Variants in CELF2 observed in about 807,000 individuals in gnomAD.
The protein encoded by CELF2 is CUGBP Elav-like family member 2, also known as CUG triplet repeat RNA-binding protein 2.
In CELF2, 8 loss-of-function variants were observed where a neutral mutation model predicts 62.6. The observed-to-expected ratio is 0.13, with a 90% CI of 0.07 to 0.23. CELF2 has a LOEUF of 0.23. CELF2 is among the 10% of genes least tolerant of loss of function. CELF2 has a pLI of 1.00. For missense variants in CELF2, 333 were observed against 671.0 expected (o/e 0.50, Z 5.56); for synonymous variants, 258 against 250.0 (o/e 1.03, Z -0.30).
chr10:11,071,159 C>T lies in CELF2; in HGVS notation c.74+52996C>T, dbSNP rs1265694545. Reference sequence around the variant, plus strand: ...TAAATCAGTTTTCTACCTTCATGAACGACTTGAGAGCTCCTGATCCCTTTG... The same window carrying T: ...TAAATCAGTTTTCTACCTTCATGAATGACTTGAGAGCTCCTGATCCCTTTG... On this transcript the variant is annotated intron_variant, in intron 1 of 12. Coordinates refer to ENST00000633077, the MANE Select transcript of CELF2 (RefSeq NM_001326342.2). Among the ~76,000 whole-genome samples the T allele has an allele frequency of 3.9e-5, 6 of 152,278 alleles. No homozygotes were observed. The South Asian group carries it at 1.0e-3, about 26-fold the overall frequency.
At chr10:11,192,266 C>A (rs938958445) in intron 2 of CELF2, among the ~76,000 whole-genome samples, 1 of 152,240 alleles carries the variant, frequency 6.6e-6, no homozygotes, top group Non-Finnish European at 1.5e-5. Context: ...CCCCTTGATC[C>A]CAGCAAGGCT....
In CELF2 at chr10:11,125,059, T is replaced by C. The variant is rs2058438379; in HGVS notation, c.75-40427T>C. Among the ~76,000 whole-genome samples, 8 of 152,346 alleles carry C rather than the reference T, an allele frequency of 5.3e-5. No homozygotes were observed. The South Asian group carries it at 1.7e-3, about 32-fold the overall frequency. On this transcript the variant is annotated intron_variant, in intron 1 of 12. Coordinates refer to ENST00000633077, the MANE Select transcript of CELF2 (RefSeq NM_001326342.2). ...TCAGTCTACGTGACTTCCTTTCTAA[T>C]GGGAACCACTTAGCTGGACCATTAA...
Position 10,997,196 on chromosome 10 carries a change from T to A in CELF2, c.89+77197T>A, listed in dbSNP as rs1380227029. ...AGGCCCTTGTGTTTCCTCATTTGTG[T>A]CATGTGGGTGATAATGCAGATTTAC... On this transcript the variant is annotated intron_variant, in intron 2 of 13. Coordinates refer to the CELF2 transcript ENST00000636488. This position sits in a 1 kb window ranked among gnomAD's most constrained non-coding sequence, Gnocchi z 5.3. Among the ~76,000 whole-genome samples, 1 of 152,110 alleles carries A rather than the reference T, an allele frequency of 6.6e-6. No individual in the cohort carries two copies. The highest frequency in any genetic ancestry group is 1.5e-5 in the Non-Finnish European group (1 of 68,002).
intron 2 of CELF2, among the ~76,000 whole-genome samples, chr10:11,204,017 G>T (rs1298190681): frequency 6.6e-6 from 1 of 152,206 alleles, no homozygotes; most frequent in Admixed American, 6.5e-5. Context: ...GAAGAGGAGG[G>T]GCGCAGAGGG....
intron 2 of CELF2, among the ~76,000 whole-genome samples, chr10:11,202,058 A>T (rs919496412): frequency 2.6e-5 from 4 of 152,256 alleles, no homozygotes; most frequent in Non-Finnish European, 5.9e-5. Context: ...ACACTAAGAC[A>T]TCTGTTCCTA....
chr10:11,248,660 C>T (rs571151274), intron 3 of CELF2, among the ~76,000 whole-genome samples: 117 of 152,268 alleles, frequency 7.7e-4, no homozygotes, highest in Non-Finnish European at 1.4e-3. Context: ...GATACAATAA[C>T]AATAGCTAAG....
intron 1 of CELF2, among the ~76,000 whole-genome samples, chr10:10,846,711 A>T (rs1374312939): frequency 1.3e-5 from 2 of 152,254 alleles, no homozygotes; most frequent in Admixed American, 6.5e-5. Context: ...AACACTGAGC[A>T]GAACGATGCC....
At chr10:10,818,054 A>G (rs553969338) in intron 1 of CELF2, among the ~76,000 whole-genome samples, 1 of 152,214 alleles carries the variant, frequency 6.6e-6, no homozygotes, top group Non-Finnish European at 1.5e-5. Flanking sequence ...TGTTGCCGCT[A>G]ATATCACTTG....
chr10:11,025,231 G>C (rs922675156), intron 1 of CELF2, among the ~76,000 whole-genome samples: 3 of 46,306 alleles, frequency 6.5e-5, no homozygotes, highest in Non-Finnish European at 2.4e-4. Context: ...GTGTGTGTGT[G>C]TGTGTGTGTA....
the CELF2 span, among the ~76,000 whole-genome samples, chr10:10,690,879 G>GA: frequency 2.0e-5 from 3 of 151,942 alleles, no homozygotes; most frequent in East Asian, 5.8e-4. Context: ...ACTCTGTCTC[G>GA]AAAAAACAAA....
chr10:11,028,467 TGAA>T (rs1233139737), intron 1 of CELF2, among the ~76,000 whole-genome samples: 7 of 150,894 alleles, frequency 4.6e-5, no homozygotes, highest in African/African-American at 1.7e-4. Flanking sequence ...TCACCCAGGC[TGAA>T]GTGCAGTGGC....
At chr10:11,047,278 G>A (rs1252857378) in intron 1 of CELF2, among the ~76,000 whole-genome samples, 2 of 152,162 alleles carry the variant, frequency 1.3e-5, no homozygotes, top group African/African-American at 2.4e-5. Context: ...CAACCCATGA[G>A]TTCAGTTTTG....
intron 1 of CELF2, among the ~76,000 whole-genome samples, chr10:10,831,484 A>T (rs2057852386): frequency 6.6e-6 from 1 of 152,224 alleles, no homozygotes; most frequent in Non-Finnish European, 1.5e-5. Context: ...GAGAACAGGG[A>T]TGAGAATGTG....
chr10:10,792,020 C>CAGGGAGGAAGGAAGGAGGGAG, the CELF2 span, among the ~76,000 whole-genome samples: 1 of 103,274 alleles, frequency 9.7e-6, no homozygotes, highest in East Asian at 3.1e-4. Context: ...AGGAGGGAGA[C>CAGGGAGGAAGGAAGGAGGGAG]AGGGAGGAAG....
intron 1 of CELF2, among the ~76,000 whole-genome samples, chr10:11,007,138 A>G (rs1275658427): frequency 6.6e-6 from 1 of 152,242 alleles, no homozygotes; most frequent in Non-Finnish European, 1.5e-5. Flanking sequence ...ATATCAGAAT[A>G]TATTAGTACA....
At chr10:10,517,482 C>A in the CELF2 span, among the ~76,000 whole-genome samples, 1 of 152,188 alleles carries the variant, frequency 6.6e-6, no homozygotes, top group East Asian at 1.9e-4. Flanking sequence ...TAACAAATAA[C>A]AAATAACATC....
At chr10:11,057,295 G>C (rs1453929353) in intron 1 of CELF2, among the ~76,000 whole-genome samples, 1 of 152,108 alleles carries the variant, frequency 6.6e-6, no homozygotes, top group Admixed American at 6.5e-5. Context: ...GGATGTGTGG[G>C]GTGGGGGGTG....
chr10:10,735,917 C>T, the CELF2 span, among the ~76,000 whole-genome samples: 6 of 152,160 alleles, frequency 3.9e-5, no homozygotes, highest in Admixed American at 2.0e-4. Context: ...GTATCTTCTG[C>T]ACCTAAAATT....
At chr10:11,293,432 A>G (rs4129775) in intron 9 of CELF2, among the ~76,000 whole-genome samples, 16,028 of 152,286 alleles carry the variant, frequency 0.11, 891 homozygotes, top group Middle Eastern at 0.2. Context: ...GAAGCCTTCT[A>G]GTTAGGATTG....
Sources: allele counts gnomAD v4.1 joint callset (sites outside exome capture counted in the v4.1 genomes callset), GRCh38; gene constraint gnomAD v4.1.1; non-coding constraint Gnocchi (gnomAD v3.1); transcripts MANE v1.5; gene names NCBI Gene and HGNC (gene_info 2026-07-23, HGNC 2026-07-21).